LONP2: variants seen among roughly 807,000 people sequenced by gnomAD.
LONP2 encodes the protein lon peptidase 2, peroxisomal, also known as lon protease homolog 2, peroxisomal.
LONP2 carries 60 observed loss-of-function variants against 85.6 expected under a neutral mutation model. The observed-to-expected ratio is 0.70, with a 90% CI of 0.57 to 0.87. LONP2 has a LOEUF of 0.87. Ranked by LOEUF, LONP2 falls within the 40% of genes least tolerant of loss-of-function variation. The pLI, the probability that LONP2 is intolerant of heterozygous loss-of-function variation, is 0.00. For missense variants in LONP2, 860 were observed against 1,063.5 expected (o/e 0.81, Z 2.66); for synonymous variants, 395 against 389.7 (o/e 1.01, Z -0.16).
intron 12 of LONP2, among the ~76,000 whole-genome samples, chr16:48,335,479 A>G (rs559756669): frequency 1.3e-5 from 2 of 152,358 alleles, no homozygotes; most frequent in African/African-American, 4.8e-5. Context: ...TGCTAAGGGC[A>G]TTGTGAAATA....
chr16:48,327,670 C>G (rs1031878014), intron 11 of LONP2, among the ~76,000 whole-genome samples: 2 of 152,258 alleles, frequency 1.3e-5, no homozygotes, highest in Admixed American at 1.3e-4. Context: ...GTTGGCCAGG[C>G]TGGTCTCGAA....
At chr16:48,327,284 A>G (rs1596987943) in intron 11 of LONP2, among the ~76,000 whole-genome samples, 2 of 152,364 alleles carry the variant, frequency 1.3e-5, no homozygotes, top group East Asian at 3.9e-4. Context: ...ACCTCTGCAT[A>G]GATTAAATCA....
intron 1 of LONP2, among the ~76,000 whole-genome samples, chr16:48,250,657 T>G (rs1310645788): frequency 1.3e-5 from 2 of 152,332 alleles, no homozygotes; most frequent in African/African-American, 2.4e-5. Flanking sequence ...CAGTTTCTTG[T>G]CTGTGGATGT....
In LONP2 at chr16:48,256,593, T is replaced by C. The variant is rs1321664563; in HGVS notation, c.469-17T>C. 1.9e-6 allele frequency: 3 copies of C among 1,606,488 alleles called. No homozygotes were observed. In the East Asian group the frequency reaches 6.7e-5, roughly 36 times the overall value. ...AATGCCAGATTTCATTTAAAAGACT[T>C]TTTTTCCCCCTTCTAGTTGGTTGAA... On this transcript the variant is annotated splice_polypyrimidine_tract_variant and intron_variant, in intron 2 of 14. Coordinates refer to ENST00000285737, the MANE Select transcript of LONP2 (RefSeq NM_031490.5).
chr16:48,282,300 A>T (rs1410908589), intron 8 of LONP2, among the ~76,000 whole-genome samples: 1 of 151,434 alleles, frequency 6.6e-6, no homozygotes, highest in Non-Finnish European at 1.5e-5. Context: ...AATCCCAGCC[A>T]CTCAGGAGGC....
At chr16:48,264,920 T>G (rs1050876530) in intron 6 of LONP2, among the ~76,000 whole-genome samples, 14 of 150,702 alleles carry the variant, frequency 9.3e-5, no homozygotes, top group African/African-American at 3.5e-4. Flanking sequence ...TGCCCTTTTC[T>G]CCATATCCTC....
At chr16:48,269,783 A>G (rs188937336) in intron 6 of LONP2, among the ~76,000 whole-genome samples, 35 of 152,324 alleles carry the variant, frequency 2.3e-4, no homozygotes, top group African/African-American at 8.4e-4. Context: ...ATAAAATGAT[A>G]TGAACATTGA....
At chr16:48,334,916 T>G (rs1959595987) in intron 12 of LONP2, 1 of 349,678 alleles carries the variant, frequency 2.9e-6, no homozygotes, top group Non-Finnish European at 5.7e-6. Flanking sequence ...TACTCACTGG[T>G]GTACTCAGGT....
At chr16:48,321,073 A>G (rs2151015370) in intron 11 of LONP2, among the ~76,000 whole-genome samples, 1 of 152,250 alleles carries the variant, frequency 6.6e-6, no homozygotes, top group Non-Finnish European at 1.5e-5. Flanking sequence ...AGCTGGGACC[A>G]CAGGTTTTGC....
chr16:48,323,711 A>G (rs966898763), intron 11 of LONP2, among the ~76,000 whole-genome samples: 5 of 152,024 alleles, frequency 3.3e-5, no homozygotes, highest in Non-Finnish European at 5.9e-5. Context: ...CATAACTTCC[A>G]TCTGTATCTC....
chr16:48,344,838 C>G (rs1192125638), intron 12 of LONP2: 1 of 152,258 alleles, frequency 6.6e-6, no homozygotes, highest in Non-Finnish European at 1.5e-5. Context: ...TGGGAGATCA[C>G]CTGAGCCCAG....
chr16:48,304,821 C>T (rs1383114568), intron 11 of LONP2, among the ~76,000 whole-genome samples: 2 of 152,206 alleles, frequency 1.3e-5, no homozygotes, highest in African/African-American at 4.8e-5. Context: ...CTTTAACAAA[C>T]ATGAGTTGTA....
At chr16:48,297,313 T>A (rs1185623807) in intron 9 of LONP2, among the ~76,000 whole-genome samples, 1 of 151,942 alleles carries the variant, frequency 6.6e-6, no homozygotes, top group East Asian at 1.9e-4. Context: ...GTCTTTTACT[T>A]ATTTTTTCTT....
intron 11 of LONP2, among the ~76,000 whole-genome samples, chr16:48,319,707 G>A (rs1973221863): frequency 6.6e-6 from 1 of 152,070 alleles, no homozygotes; most frequent in African/African-American, 2.4e-5. Context: ...TAAGAATCAA[G>A]ACAAAACTGC....
downstream of LONP2, among the ~76,000 whole-genome samples, chr16:48,358,423 A>T (rs562790977): frequency 6.6e-6 from 1 of 152,302 alleles, no homozygotes; most frequent in South Asian, 2.1e-4. Context: ...AAACTAACAA[A>T]AATTATTTTT....
chr16:48,361,952 C>T (rs757918616), downstream of LONP2: 10 of 1,614,042 alleles, frequency 6.2e-6, no homozygotes, highest in Non-Finnish European at 7.6e-6. Context: ...TATCCTCTCC[C>T]TGTAGGGTTG....
Position 48,269,994 on chromosome 16 carries a change from TTTCTG to T in LONP2, c.983-19_983-15del, listed in dbSNP as rs771987557. ...TTAAAAATTTTATGTGTTCTAATTATTTCTGTTGGGTTATTTGACAGACCGCCTGG... is the reference window on the plus strand; with the variant it reads ...TTAAAAATTTTATGTGTTCTAATTATTTGGGTTATTTGACAGACCGCCTGG... On this transcript the variant is annotated splice_polypyrimidine_tract_variant and intron_variant, in intron 6 of 14. Transcript: ENST00000285737. 1 of 1,597,118 alleles carries T rather than the reference TTTCTG, an allele frequency of 6.3e-7. No homozygotes were observed. The highest frequency in any genetic ancestry group is 1.4e-5 in the African/African-American group (1 of 73,868).
chr16:48,322,381 A>C (rs1973284128), intron 11 of LONP2, among the ~76,000 whole-genome samples: 4 of 151,126 alleles, frequency 2.6e-5, no homozygotes, highest in Non-Finnish European at 5.9e-5. Context: ...ACACAGACAC[A>C]CATTAGCCCA....
At chr16:48,297,856 C>T (rs1195819869) in intron 9 of LONP2, among the ~76,000 whole-genome samples, 22 of 152,066 alleles carry the variant, frequency 1.4e-4, no homozygotes, top group Admixed American at 1.1e-3. Context: ...TGCACCACCA[C>T]GCCCAGCTAA....
Sources: gnomAD v4.1 joint callset for allele counts (sites outside exome capture counted in the v4.1 genomes callset) on GRCh38, gnomAD v4.1.1 for gene constraint, MANE v1.5 for transcripts, NCBI Gene and HGNC (gene_info 2026-07-23, HGNC 2026-07-21) for gene names.